EMX2: variants seen among roughly 807,000 people sequenced by gnomAD.
EMX2 encodes the protein empty spiracles homeobox 2.
EMX2 carries 6 observed loss-of-function variants against 23.0 expected under a neutral mutation model. The ratio of observed to expected loss-of-function variants is 0.26; its 90% CI spans 0.14 to 0.52. EMX2 has a LOEUF of 0.52. Ranked by LOEUF, EMX2 falls within the 20% of genes least tolerant of loss-of-function variation. The pLI, the probability that EMX2 is intolerant of heterozygous loss-of-function variation, is 0.97. For synonymous variants in EMX2, 175 were observed against 153.3 expected, an observed-to-expected ratio of 1.14 and a Z score of -1.04; for missense variants, 302 against 341.4, an observed-to-expected ratio of 0.88 and a Z score of 0.91.
chr10:117,543,954 C>A (rs1341392523), intron 1 of EMX2, among the ~76,000 whole-genome samples: 1 of 152,222 alleles, frequency 6.6e-6, no homozygotes, highest in African/African-American at 2.4e-5. Context: ...CGAATCAGAG[C>A]AGGCTGGGCT....
chr10:117,545,555 C>A, intron 1 of EMX2, 77 bp from the exon 2 acceptor site: 2 of 1,581,636 alleles, frequency 1.3e-6, no homozygotes, highest in Non-Finnish European at 1.7e-6. Flanking sequence ...GGTGCCGGGC[C>A]AGCCCGGCTC....
Position 117,543,233 on chromosome 10 carries a change from G to A in EMX2, c.-35G>A. On this transcript the variant is annotated 5_prime_UTR_variant, in exon 1 of 3. Transcript: ENST00000553456. ...AGGCAGCGTGCGGCGGTCGCCAGGA[G>A]CTGGGAGCCCAGGGCGCCCGCTCCT... 1.4e-6 allele frequency: 2 copies of A among 1,387,742 alleles called. No homozygotes were observed. The highest frequency in any genetic ancestry group is 1.3e-5 in the South Asian group (1 of 78,448). The allele number at this position is 1,387,742 out of a possible 1,614,324, so 86.0% of individuals were successfully genotyped here.
chr10:117,546,251 A>T (rs1229214624), intron 2 of EMX2, among the ~76,000 whole-genome samples: 1 of 152,226 alleles, frequency 6.6e-6, no homozygotes, highest in African/African-American at 2.4e-5. Flanking sequence ...CACGGCTCAC[A>T]CCGTCGGCTC....
rs1368207388 is a variant in EMX2 at position 117,543,445 on chromosome 10, G to A, written c.178G>A (p.Gly60Ser). The change falls in exon 1 of 3, where the codon GGT (glycine) becomes AGT (serine). Residue 60 changes from glycine to serine, a missense_variant. Transcript: ENST00000553456. ...GFHSAAAAAA[G>S]RGVYSNPDLV... The stretch of plus-strand genomic sequence containing the variant: ...CCACTCGGCCGCCGCCGCCGCCGCC[G>A]GTAGGGGCGTCTACTCCAACCCGGA... The A allele has an allele frequency of 1.2e-6, 2 of 1,606,688 alleles. No homozygotes were observed. The highest frequency in any genetic ancestry group is 1.3e-5 in the African/African-American group (1 of 74,686).
chr10:117,543,309 G>T lies in EMX2; in HGVS notation c.42G>T (p.Ser14=), dbSNP rs375691102. Residue 14 remains serine (S), a synonymous_variant, in exon 1 of 3, where the codon TCG becomes TCT. Transcript: ENST00000553456. The part of the protein sequence containing the change: ...PAPKRCFTIE[S]LVAKDSPLPA... ...CCAAGCGCTGCTTCACCATCGAGTC[G>T]CTGGTGGCCAAGGACAGTCCCCTGC... is the stretch of plus-strand genomic sequence containing the variant. The T allele has an allele frequency of 5.2e-6, 8 of 1,550,766 alleles. No homozygotes were observed. Among genetic ancestry groups the T allele is most frequent in the South Asian group, 1.2e-5 (1 of 84,104 alleles).
rs1163944980 is a variant in EMX2, at chr10:117,549,269, T to C, written c.*1037T>C. 2 of 152,648 alleles carry C rather than the reference T, an allele frequency of 1.3e-5. No individual in the cohort carries two copies. The highest frequency in any genetic ancestry group is 2.9e-5 in the Non-Finnish European group (2 of 68,044). 9.5% of individuals were successfully genotyped at this position (152,648 alleles called of 1,614,324 possible). A position where few individuals can be genotyped will look rare whatever the true frequency, so the allele number is the denominator to read the frequency against. On this transcript the variant is annotated 3_prime_UTR_variant, in exon 3 of 3. Coordinates refer to ENST00000553456, the MANE Select transcript of EMX2 (RefSeq NM_004098.4). ...TCACTGCAATGCCTATTCCAAACTT[T>C]AAATCTATCTATTGCAAAACCTGAA...
At position 117,543,593 on chromosome 10, in the gene EMX2, T is replaced by C; in HGVS notation, c.326T>C (p.Phe109Ser). 1 of 1,612,900 alleles carries C rather than the reference T, an allele frequency of 6.2e-7. No individual in the cohort carries two copies. Among genetic ancestry groups the C allele is most frequent in the Non-Finnish European group, 8.5e-7 (1 of 1,179,554 alleles). The change falls in exon 1 of 3, where the codon TTC (phenylalanine) becomes TCC (serine). Residue 109 changes from phenylalanine to serine, a missense_variant. By Grantham distance (155) the Phe-to-Ser change is radical. Coordinates refer to ENST00000553456, the MANE Select transcript of EMX2 (RefSeq NM_004098.4). ...LPSSHSPHPL[F>S]ASQQRDPSTF... ...TCCTCGCACTCGCCACACCCCCTAT[T>C]CGCCTCGCAGCAGCGGGATCCGTCC...
In EMX2 at chr10:117,548,837, T is replaced by C. The variant is rs929844049; in HGVS notation, c.*605T>C. 2.5e-6 allele frequency: 1 copy of C among 399,330 alleles called. No homozygotes were observed. The highest frequency in any genetic ancestry group is 4.3e-5 in the Admixed American group (1 of 23,076). The allele number at this position is 399,330 out of a possible 1,614,324, so 24.7% of individuals were successfully genotyped here. A position where few individuals can be genotyped will look rare whatever the true frequency, so the allele number is the denominator to read the frequency against. On this transcript the variant is annotated 3_prime_UTR_variant, in exon 3 of 3. Coordinates refer to ENST00000553456, the MANE Select transcript of EMX2 (RefSeq NM_004098.4). The stretch of plus-strand genomic sequence containing the variant: ...ACCTGTTTCAAATCCTTGAAATGCA[T>C]GTAGCAGTTGTTGGGCGAATGGTGT...
At chr10:117,546,600 C>G (rs1221316333) in intron 2 of EMX2, among the ~76,000 whole-genome samples, 4 of 152,246 alleles carry the variant, frequency 2.6e-5, no homozygotes, top group African/African-American at 9.6e-5. Flanking sequence ...GTTCCCCACC[C>G]CAAAACCGAG....
At position 117,549,304 on chromosome 10, in the gene EMX2, T is replaced by C. The variant is rs1003039785; in HGVS notation, c.*1072T>C. ...TATTGCAAAACCTGAAGGACTGTAG[T>C]TAGCGGGGATGATGTTAAGTGTGGC... On this transcript the variant is annotated 3_prime_UTR_variant, in exon 3 of 3. Transcript: ENST00000553456. The C allele has an allele frequency of 7.9e-5, 12 of 152,538 alleles. No individual in the cohort carries two copies. The highest frequency in any genetic ancestry group is 2.9e-4 in the African/African-American group (12 of 41,388). 9.4% of individuals were successfully genotyped at this position (152,538 alleles called of 1,614,324 possible). A position where few individuals can be genotyped will look rare whatever the true frequency, so the allele number is the denominator to read the frequency against.
chr10:117,543,171 A>G lies in EMX2; in HGVS notation c.-97A>G, dbSNP rs1299220320. On this transcript the variant is annotated 5_prime_UTR_variant, in exon 1 of 3. Transcript: ENST00000553456. ...CCCACCCCAAACAAACGAGTCCCCA[A>G]TTCTCGTCCGTCCTCGCCGCGGGCA... 178 of 584,624 alleles carry G rather than the reference A, an allele frequency of 3.0e-4. No individual in the cohort carries two copies. The highest frequency in any genetic ancestry group is 3.6e-4 in the Non-Finnish European group (166 of 460,398). The allele number at this position is 584,624 out of a possible 1,614,324, so 36.2% of individuals were successfully genotyped here.
rs1039966586 is a variant in EMX2, at chr10:117,543,238, G to A, written c.-30G>A. The stretch of plus-strand genomic sequence containing the variant: ...GCGTGCGGCGGTCGCCAGGAGCTGG[G>A]AGCCCAGGGCGCCCGCTCCTCGGCG... On this transcript the variant is annotated 5_prime_UTR_variant, in exon 1 of 3. Transcript: ENST00000553456. The A allele has an allele frequency of 5.4e-6, 8 of 1,477,030 alleles. No individual in the cohort carries two copies. Among genetic ancestry groups the A allele is most frequent in the African/African-American group, 1.5e-5 (1 of 68,400 alleles). 91.5% of individuals were successfully genotyped at this position (1,477,030 alleles called of 1,614,324 possible). A position where few individuals can be genotyped will look rare whatever the true frequency, so the allele number is the denominator to read the frequency against.
rs752669966 is a variant in EMX2, at chr10:117,543,549, G to C, written c.282G>C (p.Leu94=). Residue 94 remains leucine (L), a synonymous_variant, in exon 1 of 3, where the codon CTG becomes CTC. Coordinates refer to ENST00000553456, the MANE Select transcript of EMX2 (RefSeq NM_004098.4). ...PVHPVPPPHA[L]AAHPLPSSHS... is the part of the protein sequence containing the mutation. ...ACCCGGTGCCGCCGCCGCACGCCCTGGCCGCCCACCCCCTACCCTCCTCGC... is the reference window on the plus strand; with the variant it reads ...ACCCGGTGCCGCCGCCGCACGCCCTCGCCGCCCACCCCCTACCCTCCTCGC... 1.9e-6 allele frequency: 3 copies of C among 1,602,872 alleles called. No homozygotes were observed. The highest frequency in any genetic ancestry group is 2.2e-5 in the South Asian group (2 of 90,764).
Position 117,548,570 on chromosome 10 carries a change from GAGA to G in EMX2, c.*340_*342del. On this transcript the variant is annotated 3_prime_UTR_variant, in exon 3 of 3. Coordinates refer to ENST00000553456, the MANE Select transcript of EMX2 (RefSeq NM_004098.4). ...AGAAAGAGAGAGAGAGAGAGAGAGA[GAGA>G]AAGCTGAACGTGCACTCTGACAAGG... 1 of 451,416 alleles carries G rather than the reference GAGA, an allele frequency of 2.2e-6. No individual in the cohort carries two copies. The highest frequency in any genetic ancestry group is 4.3e-5 in the Admixed American group (1 of 23,172). 28.0% of individuals were successfully genotyped at this position (451,416 alleles called of 1,614,324 possible). A position where few individuals can be genotyped will look rare whatever the true frequency, so the allele number is the denominator to read the frequency against.
chr10:117,545,602 C>A (rs749970557), intron 1 of EMX2, 30 bp from the exon 2 acceptor site: 15 of 1,613,380 alleles, frequency 9.3e-6, no homozygotes, highest in East Asian at 8.9e-5. Flanking sequence ...GCAGCCCCCC[C>A]TAATGGGATT....
At chr10:117,547,322 C>G (rs2133970752) in intron 2 of EMX2, among the ~76,000 whole-genome samples, 1 of 152,336 alleles carries the variant, frequency 6.6e-6, no homozygotes, top group African/African-American at 2.4e-5. Flanking sequence ...CTCCCCTTCT[C>G]TTAGTTTCTC....
Position 117,543,513 on chromosome 10 carries a change from C to G in EMX2, c.246C>G (p.Ala82=), listed in dbSNP as rs371177025. 17 of 1,610,120 alleles carry G rather than the reference C, an allele frequency of 1.1e-5. No homozygotes were observed. In the African/African-American group the frequency reaches 1.9e-4, roughly 18 times the overall value. Residue 82 remains alanine, a synonymous_variant, in exon 1 of 3, where the codon GCC becomes GCG. Transcript: ENST00000553456. ...CGGTCTCGCACCCGCCCAACCCCGC[C>G]GTGCCAGTGCACCCGGTGCCGCCGC... ...AEAVSHPPNP[A]VPVHPVPPPH... is the part of the protein sequence containing the mutation.
chr10:117,543,986 G>T (rs1393610097), intron 1 of EMX2, among the ~76,000 whole-genome samples: 1 of 152,204 alleles, frequency 6.6e-6, no homozygotes, highest in East Asian at 1.9e-4. Context: ...GCGCCGCGGA[G>T]CCCAGAGCCC....
intron 1 of EMX2, 22 bp downstream of exon 1, chr10:117,543,695 T>C (rs375505457): frequency 1.2e-6 from 2 of 1,612,790 alleles, no homozygotes; most frequent in Non-Finnish European, 1.7e-6. Context: ...GTCGCGGAAC[T>C]GCAGCGCGCC....
Sources: allele counts gnomAD v4.1 joint callset (sites outside exome capture counted in the v4.1 genomes callset), GRCh38; gene constraint gnomAD v4.1.1; transcripts MANE v1.5; gene names NCBI Gene and HGNC (gene_info 2026-07-23, HGNC 2026-07-21).